The following CRISP1 variants were observed in gnomAD, a reference collection of about 807,000 sequenced individuals.
CRISP1 encodes cysteine-rich secretory protein 1.
A neutral mutation model predicts 33.1 loss-of-function variants in CRISP1; 44 were observed. The observed-to-expected ratio is 1.33, with a 90% CI of 1.05 to 1.71. The LOEUF (loss-of-function observed/expected upper bound fraction) is 1.71, where lower values mean the gene tolerates loss of function less well. CRISP1 is among the 40% of genes most tolerant of loss of function. The pLI, the probability that CRISP1 is intolerant of heterozygous loss-of-function variation, is 0.00. For missense variants in CRISP1, 390 were observed against 301.2 expected (o/e 1.29, Z -2.18); for synonymous variants, 103 against 98.7 (o/e 1.04, Z -0.26).
chr6:49,865,660 G>A (rs1427858013), intron 1 of CRISP1, among the ~76,000 whole-genome samples: 2 of 152,144 alleles, frequency 1.3e-5, no homozygotes, highest in South Asian at 2.1e-4. Context: ...AGAGTACAAA[G>A]CATTAATGGG....
At chr6:49,846,808 T>A (rs1771189358) in intron 4 of CRISP1, 140 bp from the exon 5 acceptor site, 1 of 796,846 alleles carries the variant, frequency 1.3e-6, no homozygotes. Context: ...ATAAGTTGTA[T>A]CCCCACTGAA....
intron 5 of CRISP1, among the ~76,000 whole-genome samples, chr6:49,844,289 T>C (rs1039830706): frequency 6.6e-5 from 10 of 152,160 alleles, no homozygotes; most frequent in African/African-American, 2.4e-4. Flanking sequence ...TGAACTAAAG[T>C]GGACAGAGAA....
At chr6:49,853,762 C>T (rs1771418781) in intron 2 of CRISP1, among the ~76,000 whole-genome samples, 1 of 152,148 alleles carries the variant, frequency 6.6e-6, no homozygotes, top group Admixed American at 6.5e-5. Context: ...TCACAACTCT[C>T]CTTTTGCAAT....
intron 5 of CRISP1, among the ~76,000 whole-genome samples, chr6:49,841,677 C>G (rs1055176895): frequency 6.6e-6 from 1 of 152,092 alleles, no homozygotes; most frequent in Non-Finnish European, 1.5e-5. Context: ...ATATAAAAAT[C>G]AAAGCTTGGA....
intron 2 of CRISP1, among the ~76,000 whole-genome samples, chr6:49,854,283 C>A (rs1012198682): frequency 2.6e-5 from 4 of 152,188 alleles, no homozygotes; most frequent in African/African-American, 9.6e-5. Context: ...TCCCCCAAAT[C>A]TTACATTATT....
Position 49,846,520 on chromosome 6 carries a change from C to T in CRISP1, c.435G>A (p.Gln145=). Residue 145 remains glutamine, a splice_region_variant and synonymous_variant, in exon 5 of 8, where the codon CAG becomes CAA. Transcript: ENST00000335847. ...DDDITTDHYT[Q]IVWATSYLIG... ...GTGTGTTTGCCAGCACACAGGTTAC[C>T]TGAGTGTAGTGGTCAGTAGTTATGT... 1 of 1,611,978 alleles carries T rather than the reference C, an allele frequency of 6.2e-7. No individual in the cohort carries two copies. The highest frequency in any genetic ancestry group is 8.5e-7 in the Non-Finnish European group (1 of 1,178,920).
rs1056575371 is a variant in CRISP1, at chr6:49,866,420, A to G, written c.-3+9T>C. ...ATAAAGAAACTGACAAAGATATTATATAACTTACCCAAGTCCACACAGCCT... is the reference window on the plus strand; with the variant it reads ...ATAAAGAAACTGACAAAGATATTATGTAACTTACCCAAGTCCACACAGCCT... On this transcript the variant is annotated intron_variant, in intron 1 of 7. Coordinates refer to ENST00000335847, the MANE Select transcript of CRISP1 (RefSeq NM_001131.3). 2.0e-5 allele frequency: 3 copies of G among 152,160 alleles called. No individual in the cohort carries two copies. Among genetic ancestry groups the G allele is most frequent in the Non-Finnish European group, 2.9e-5 (2 of 68,020 alleles). The allele number at this position is 152,160 out of a possible 1,614,324, so 9.4% of individuals were successfully genotyped here.
rs1417544085 is a variant in CRISP1 at position 49,834,480 on chromosome 6, C to T, written c.*836G>A. 2 of 152,086 alleles carry T rather than the reference C, an allele frequency of 1.3e-5. No homozygotes were observed. Among genetic ancestry groups the T allele is most frequent in the East Asian group, 3.9e-4 (2 of 5,182 alleles). 9.4% of individuals were successfully genotyped at this position (152,086 alleles called of 1,614,324 possible). A position where few individuals can be genotyped will look rare whatever the true frequency, so the allele number is the denominator to read the frequency against. On this transcript the variant is annotated 3_prime_UTR_variant, in exon 8 of 8. Coordinates refer to ENST00000335847, the MANE Select transcript of CRISP1 (RefSeq NM_001131.3). Reference sequence around the variant, plus strand: ...GTTGAAATAATCATAACCTTTGCAACCCTGTTTACTCAGAAGATGTTCCTC... The same window carrying T: ...GTTGAAATAATCATAACCTTTGCAATCCTGTTTACTCAGAAGATGTTCCTC...
chr6:49,852,198 C>T, intron 2 of CRISP1, 69 bp from the exon 3 acceptor site: 1 of 1,438,946 alleles, frequency 6.9e-7, no homozygotes, highest in Admixed American at 2.1e-5. Flanking sequence ...ATTTTGCAGA[C>T]CTATAGGTAA....
chr6:49,846,377 A>G, intron 5 of CRISP1, 143 bp downstream of exon 5: 2 of 835,014 alleles, frequency 2.4e-6, no homozygotes, highest in South Asian at 1.9e-5. Context: ...ACTTCCTTCT[A>G]TTTCAAATTA....
chr6:49,836,101 T>G (rs1009590436), intron 7 of CRISP1, among the ~76,000 whole-genome samples: 1 of 152,188 alleles, frequency 6.6e-6, no homozygotes, highest in African/African-American at 2.4e-5. Flanking sequence ...TTTTTTGACC[T>G]GAATTCTCTA....
At chr6:49,849,263 G>A (rs1436335501) in intron 3 of CRISP1, among the ~76,000 whole-genome samples, 4 of 152,176 alleles carry the variant, frequency 2.6e-5, no homozygotes, top group African/African-American at 9.7e-5. Context: ...TCTTATCTGA[G>A]TTCCTTTGTC....
intron 6 of CRISP1, among the ~76,000 whole-genome samples, chr6:49,840,546 A>C (rs984925253): frequency 6.6e-6 from 1 of 152,174 alleles, no homozygotes; most frequent in African/African-American, 2.4e-5. Context: ...TGCTTAATCA[A>C]ATTTGTTTCT....
rs1771359870 is a variant in CRISP1, at chr6:49,851,994, A to T, written c.195+7T>A. 1.2e-6 allele frequency: 2 copies of T among 1,600,580 alleles called. No individual in the cohort carries two copies. Among genetic ancestry groups the T allele is most frequent in the Admixed American group, 1.8e-5 (1 of 56,504 alleles). ...CAATCATGGTTGTTGCTATTTTTTG[A>T]TCTTACCATCTTCAGCATGTTGCTG... On this transcript the variant is annotated splice_region_variant and intron_variant, in intron 3 of 7. Transcript: ENST00000335847.
At chr6:49,845,606 C>G (rs1352007417) in intron 5 of CRISP1, among the ~76,000 whole-genome samples, 3 of 151,892 alleles carry the variant, frequency 2.0e-5, no homozygotes, top group Non-Finnish European at 4.4e-5. Flanking sequence ...CACATATGAT[C>G]CAGTAATTCC....
At chr6:49,868,851 G>T (rs1261683062), upstream of CRISP1, among the ~76,000 whole-genome samples, 1 of 152,096 alleles carries the variant, frequency 6.6e-6, no homozygotes, top group East Asian at 1.9e-4. Context: ...AAGTACTCTA[G>T]ACTTTAACAA....
intron 4 of CRISP1, 76 bp from the exon 5 acceptor site, chr6:49,846,744 A>G: frequency 7.3e-7 from 1 of 1,377,360 alleles, no homozygotes; most frequent in Admixed American, 2.0e-5. Flanking sequence ...CCTCATTTTT[A>G]TTTTATGAAT....
chr6:49,857,488 T>C lies in CRISP1; in HGVS notation c.-2-86A>G, dbSNP rs188741658. 1,906 of 1,295,360 alleles carry C rather than the reference T, an allele frequency of 1.5e-3. 4 individuals are homozygous for C. The highest frequency in any genetic ancestry group is 1.6e-3 in the Non-Finnish European group (1,480 of 916,806). 80.2% of individuals were successfully genotyped at this position (1,295,360 alleles called of 1,614,324 possible). ...AAACTATTTAAACCACTTTTACATG[T>C]GTTTGCATTTTTTTTCCTAAAAGAA... is the stretch of plus-strand genomic sequence containing the variant. On this transcript the variant is annotated intron_variant, in intron 1 of 7. Coordinates refer to ENST00000335847, the MANE Select transcript of CRISP1 (RefSeq NM_001131.3).
intron 1 of CRISP1, among the ~76,000 whole-genome samples, chr6:49,876,362 G>A (rs1772035968): frequency 1.3e-5 from 2 of 152,006 alleles, no homozygotes; most frequent in Non-Finnish European, 2.9e-5. Context: ...AGTCAGAATG[G>A]CTACTATTAA....
Sources: gnomAD v4.1 joint callset for allele counts (sites outside exome capture counted in the v4.1 genomes callset) on GRCh38, gnomAD v4.1.1 for gene constraint, MANE v1.5 for transcripts, NCBI Gene and HGNC (gene_info 2026-07-23, HGNC 2026-07-21) for gene names.